Variants in FTO observed in about 807,000 individuals in gnomAD.
The protein encoded by FTO is alpha-ketoglutarate-dependent dioxygenase FTO.
FTO carries 47 observed loss-of-function variants against 63.9 expected under a neutral mutation model. That is an observed-to-expected ratio of 0.74 (90% CI 0.58 to 0.94). The LOEUF (loss-of-function observed/expected upper bound fraction) is 0.94. Ranked by LOEUF, FTO falls within the 40% of genes least tolerant of loss-of-function variation. The probability of loss-of-function intolerance (pLI) is 0.00; values close to 1 mark genes in which losing one functional copy is unlikely to be tolerated. For missense variants in FTO, 562 were observed against 618.1 expected, an observed-to-expected ratio of 0.91 and a Z score of 0.96; for synonymous variants, 207 against 224.4, an observed-to-expected ratio of 0.92 and a Z score of 0.69.
At chr16:53,704,652 A>G (rs146953404) in intron 1 of FTO, among the ~76,000 whole-genome samples, 179 of 152,268 alleles carry the variant, frequency 1.2e-3, no homozygotes, top group Middle Eastern at 6.8e-3. Flanking sequence ...TGTCTCCGTG[A>G]CCGGCTGATA....
intron 8 of FTO, among the ~76,000 whole-genome samples, chr16:54,094,057 A>G (rs533642731): frequency 2.6e-5 from 4 of 152,136 alleles, no homozygotes; most frequent in Non-Finnish European, 4.4e-5. Flanking sequence ...GATCACCCCC[A>G]GACAGTGAAG....
At chr16:53,941,415 A>G (rs1048745997) in intron 8 of FTO, among the ~76,000 whole-genome samples, 1 of 152,240 alleles carries the variant, frequency 6.6e-6, no homozygotes, top group African/African-American at 2.4e-5. Flanking sequence ...GGGAACTTAT[A>G]TTTTGATAGA....
At chr16:53,889,825 A>G (rs1302424747) in intron 7 of FTO, among the ~76,000 whole-genome samples, 2 of 148,530 alleles carry the variant, frequency 1.3e-5, no homozygotes, top group African/African-American at 5.3e-5. Flanking sequence ...CTTAATTTAA[A>G]TAATAGTAAT....
Position 54,120,506 on chromosome 16 carries a change from A to G in FTO, c.*8591A>G, listed in dbSNP as rs1418531632. 1 of 152,268 alleles carries G rather than the reference A, an allele frequency of 6.6e-6. No individual in the cohort carries two copies. Among genetic ancestry groups the G allele is most frequent in the Non-Finnish European group, 1.5e-5 (1 of 68,058 alleles). The allele number at this position is 152,268 out of a possible 1,614,324, so 9.4% of individuals were successfully genotyped here. Reference sequence around the variant, plus strand: ...AGGAGAGCAGCGTGGTGAAAGAAGCAATAGTTACCACATTTGCAAAGGCAC... The same window carrying G: ...AGGAGAGCAGCGTGGTGAAAGAAGCGATAGTTACCACATTTGCAAAGGCAC... On this transcript the variant is annotated 3_prime_UTR_variant, in exon 9 of 9. Coordinates refer to ENST00000471389, the MANE Select transcript of FTO (RefSeq NM_001080432.3).
intron 1 of FTO, among the ~76,000 whole-genome samples, chr16:53,798,772 G>C (rs1470442700): frequency 6.6e-6 from 1 of 152,046 alleles, no homozygotes; most frequent in Non-Finnish European, 1.5e-5. Flanking sequence ...CTTGTTGCAC[G>C]GGCTAGAACC....
intron 1 of FTO, among the ~76,000 whole-genome samples, chr16:53,798,399 C>T (rs377078907): frequency 2.0e-5 from 3 of 152,016 alleles, no homozygotes; most frequent in Non-Finnish European, 2.9e-5. Flanking sequence ...AATATTTTAT[C>T]GAGTCTTCCA....
At chr16:53,790,559 A>G (rs974428028) in intron 1 of FTO, among the ~76,000 whole-genome samples, 29 of 150,620 alleles carry the variant, frequency 1.9e-4, no homozygotes, top group African/African-American at 6.6e-4. Context: ...CTCTATAAAG[A>G]AAACAAAACC....
At chr16:53,762,762 A>G (rs1357933637) in intron 1 of FTO, among the ~76,000 whole-genome samples, 2 of 152,242 alleles carry the variant, frequency 1.3e-5, no homozygotes, top group Non-Finnish European at 2.9e-5. Context: ...GCATTATCTT[A>G]TCACAAAAGC....
intron 2 of FTO, among the ~76,000 whole-genome samples, chr16:53,816,855 A>G (rs1410155679): frequency 1.3e-5 from 2 of 152,210 alleles, no homozygotes; most frequent in Non-Finnish European, 2.9e-5. Flanking sequence ...ATGAGCTTCT[A>G]GAGAGAAAAT....
intron 7 of FTO, among the ~76,000 whole-genome samples, chr16:53,897,746 G>C (rs1408656713): frequency 6.6e-6 from 1 of 152,054 alleles, no homozygotes; most frequent in Non-Finnish European, 1.5e-5. Flanking sequence ...GTTTGGGAAG[G>C]GTGGGCAGTA....
chr16:53,867,493 A>ATG (rs150516029), intron 4 of FTO, among the ~76,000 whole-genome samples: 26,168 of 140,300 alleles, frequency 0.19, 2,268 homozygotes, highest in South Asian at 0.33. Context: ...TACGCCACAT[A>ATG]TGTGTGTGTG....
At chr16:54,080,907 A>G (rs2086124581) in intron 8 of FTO, among the ~76,000 whole-genome samples, 1 of 152,194 alleles carries the variant, frequency 6.6e-6, no homozygotes. Context: ...CTGGAAGAAC[A>G]GCTCGTGCTT....
chr16:54,010,100 G>A (rs780601803), intron 8 of FTO, among the ~76,000 whole-genome samples: 1 of 152,066 alleles, frequency 6.6e-6, no homozygotes, highest in Non-Finnish European at 1.5e-5. Context: ...TTGTTGCTAG[G>A]GTGCCAGTTC....
intron 1 of FTO, among the ~76,000 whole-genome samples, chr16:53,804,632 CTT>C (rs10602540): frequency 0.15 from 19,112 of 129,964 alleles, 1,103 homozygotes; most frequent in Middle Eastern, 0.26. Context: ...TCTTATTGAT[CTT>C]TTTTTTTTTT....
rs1026610590 is a variant in FTO, at chr16:54,120,564, C to T, written c.*8649C>T. 2.6e-5 allele frequency: 4 copies of T among 152,142 alleles called. No homozygotes were observed. Among genetic ancestry groups the T allele is most frequent in the Non-Finnish European group, 5.9e-5 (4 of 68,036 alleles). 9.4% of individuals were successfully genotyped at this position (152,142 alleles called of 1,614,324 possible). A position where few individuals can be genotyped will look rare whatever the true frequency, so the allele number is the denominator to read the frequency against. On this transcript the variant is annotated 3_prime_UTR_variant, in exon 9 of 9. Transcript: ENST00000471389. ...AAAGAGAAGTTTTTAATATGTCACACCCATATTTTATAGATGGGGCAATGG... is the reference window on the plus strand; with the variant it reads ...AAAGAGAAGTTTTTAATATGTCACATCCATATTTTATAGATGGGGCAATGG...
intron 8 of FTO, among the ~76,000 whole-genome samples, chr16:54,039,031 C>T (rs1215344556): frequency 5.9e-5 from 9 of 152,184 alleles, no homozygotes; most frequent in Non-Finnish European, 8.8e-5. Context: ...AGGAGCAACC[C>T]GAGAGGTGGG....
intron 1 of FTO, among the ~76,000 whole-genome samples, chr16:53,757,895 G>T (rs548435975): frequency 7.2e-5 from 11 of 152,250 alleles, no homozygotes; most frequent in African/African-American, 2.4e-4. Flanking sequence ...TGTTTTCTGG[G>T]GTGTGAAACA....
At chr16:53,911,230 G>T (rs115261828) in intron 7 of FTO, 4 of 605,876 alleles carry the variant, frequency 6.6e-6, no homozygotes, top group Non-Finnish European at 1.2e-5. Context: ...GTGGCTGAGC[G>T]ATTGGAGTGA....
intron 3 of FTO, among the ~76,000 whole-genome samples, chr16:53,828,346 A>G (rs185710472): frequency 0.03 from 4,524 of 152,098 alleles, 194 homozygotes; most frequent in African/African-American, 0.096. Context: ...CAGCCTCCCA[A>G]GTAGCTGGGG....
Sources: allele counts gnomAD v4.1 joint callset (sites outside exome capture counted in the v4.1 genomes callset), GRCh38; gene constraint gnomAD v4.1.1; transcripts MANE v1.5; gene names NCBI Gene and HGNC (gene_info 2026-07-23, HGNC 2026-07-21).